GRIK3: variants seen among roughly 807,000 people sequenced by gnomAD.
GRIK3 encodes the protein glutamate ionotropic receptor kainate type subunit 3.
In GRIK3, 29 loss-of-function variants were observed where a neutral mutation model predicts 102.5. That is an observed-to-expected ratio of 0.28 (90% CI 0.21 to 0.39). The LOEUF (loss-of-function observed/expected upper bound fraction) is 0.39, where lower values mean the gene tolerates loss of function less well. Ranked by LOEUF, GRIK3 falls within the 10% of genes least tolerant of loss-of-function variation. GRIK3 has a pLI of 1.00. For missense variants in GRIK3, 908 were observed against 1,252.4 expected, an observed-to-expected ratio of 0.73 and a Z score of 4.15; for synonymous variants, 511 against 504.9, an observed-to-expected ratio of 1.01 and a Z score of -0.16.
chr1:36,962,605 G>T (rs1196772338), intron 1 of GRIK3, among the ~76,000 whole-genome samples: 1 of 150,730 alleles, frequency 6.6e-6, no homozygotes, highest in African/African-American at 2.5e-5. Flanking sequence ...GGCTGAAGTG[G>T]TTAGCGGTGG....
chr1:36,948,107 C>T, intron 1 of GRIK3, among the ~76,000 whole-genome samples: 1 of 152,164 alleles, frequency 6.6e-6, no homozygotes, highest in East Asian at 1.9e-4. Context: ...TTTGTGTCTC[C>T]CTTACTCTGC....
intron 1 of GRIK3, among the ~76,000 whole-genome samples, chr1:36,919,564 A>G (rs529613680): frequency 6.6e-6 from 1 of 152,164 alleles, no homozygotes; most frequent in East Asian, 1.9e-4. Context: ...AACAGGCAGG[A>G]GTCAGGCATG....
At chr1:37,029,351 G>T (rs1439610985) in intron 1 of GRIK3, among the ~76,000 whole-genome samples, 2 of 152,208 alleles carry the variant, frequency 1.3e-5, no homozygotes, top group African/African-American at 2.4e-5. Flanking sequence ...GCCAGGCGGG[G>T]TGTGCAAAGT....
intron 1 of GRIK3, among the ~76,000 whole-genome samples, chr1:36,957,414 G>GTGTGCTCCGTGAGTC (rs1641926021): frequency 9.5e-6 from 1 of 105,730 alleles, no homozygotes; most frequent in Non-Finnish European, 2.0e-5. Flanking sequence ...CCGTGAGCCT[G>GTGTGCTCCGTGAGTC]TGTGCCCCAT....
At chr1:36,907,816 G>T (rs1194412282) in intron 1 of GRIK3, among the ~76,000 whole-genome samples, 1 of 152,108 alleles carries the variant, frequency 6.6e-6, no homozygotes, top group Non-Finnish European at 1.5e-5. Context: ...CACCACAGAG[G>T]TTCAGAGAGT....
In GRIK3 at chr1:36,822,365, C is replaced by T. The variant is rs144157701; in HGVS notation, c.1755-2511G>A. Among the ~76,000 whole-genome samples the T allele has an allele frequency of 1.4e-3, 213 of 152,318 alleles. 1 individual carries two copies. Among genetic ancestry groups the T allele is most frequent in the African/African-American group, 4.9e-3 (204 of 41,562 alleles). On this transcript the variant is annotated intron_variant, in intron 11 of 15. Coordinates refer to ENST00000373091, the MANE Select transcript of GRIK3 (RefSeq NM_000831.4). ...ACAGGTTGGGGTCCTCATCGCCTCC[C>T]GAGAGGTGAAAGCATGCACGGTGCC...
intron 1 of GRIK3, among the ~76,000 whole-genome samples, chr1:36,961,847 G>A (rs1441650015): frequency 6.6e-6 from 1 of 152,224 alleles, no homozygotes; most frequent in Non-Finnish European, 1.5e-5. Context: ...ACTGTCCTAG[G>A]TGCGGGGGAC....
chr1:36,916,504 C>T (rs1641402227), intron 1 of GRIK3, among the ~76,000 whole-genome samples: 1 of 152,164 alleles, frequency 6.6e-6, no homozygotes, highest in Non-Finnish European at 1.5e-5. Context: ...ACATCACAGG[C>T]ATGGAGACCT....
At position 37,006,001 on chromosome 1, in the gene GRIK3, C is replaced by T. The variant is rs143988984; in HGVS notation, c.115+27993G>A. Among the ~76,000 whole-genome samples, 174 of 152,196 alleles carry T rather than the reference C, an allele frequency of 1.1e-3. 1 individual carries two copies. Among genetic ancestry groups the T allele is most frequent in the East Asian group, 6.4e-3 (33 of 5,166 alleles). On this transcript the variant is annotated intron_variant, in intron 1 of 15. Transcript: ENST00000373091. Reference sequence around the variant, plus strand: ...GAGACATACTGGAGACTGTCAGAATCGCTAGCCTGAAAGGGGATAAGGCCC... The same window carrying T: ...GAGACATACTGGAGACTGTCAGAATTGCTAGCCTGAAAGGGGATAAGGCCC...
intron 1 of GRIK3, among the ~76,000 whole-genome samples, chr1:36,931,827 A>G (rs1641594132): frequency 6.6e-6 from 1 of 152,132 alleles, no homozygotes; most frequent in Admixed American, 6.5e-5. Flanking sequence ...TCTGCTCCCC[A>G]GCTGCCTGGT....
rs1372802762 is a variant in GRIK3 at position 36,800,027 on chromosome 1, T to G, written c.*1824A>C. On this transcript the variant is annotated 3_prime_UTR_variant, in exon 16 of 16. Coordinates refer to ENST00000373091, the MANE Select transcript of GRIK3 (RefSeq NM_000831.4). ...TCCCTCGTCCAATGTACATAGCCAG[T>G]CAGAGCTGCTAGGATTCTGGGAACC... is the stretch of plus-strand genomic sequence containing the variant. 1 of 152,198 alleles carries G rather than the reference T, an allele frequency of 6.6e-6. No individual in the cohort carries two copies. Among genetic ancestry groups the G allele is most frequent in the African/African-American group, 2.4e-5 (1 of 41,454 alleles). The allele number at this position is 152,198 out of a possible 1,614,324, so 9.4% of individuals were successfully genotyped here.
At chr1:36,917,469 C>T (rs907930154) in intron 1 of GRIK3, among the ~76,000 whole-genome samples, 4 of 152,180 alleles carry the variant, frequency 2.6e-5, no homozygotes, top group African/African-American at 9.7e-5. Flanking sequence ...GCTGTGTCCC[C>T]ATCCAAATCT....
At chr1:36,927,477 C>T (rs1182947811) in intron 1 of GRIK3, among the ~76,000 whole-genome samples, 4 of 151,992 alleles carry the variant, frequency 2.6e-5, no homozygotes, top group Non-Finnish European at 4.4e-5. Context: ...TAACAGGCCC[C>T]GTGTCAAGGA....
intron 10 of GRIK3, among the ~76,000 whole-genome samples, chr1:36,829,580 T>C (rs60982117): frequency 0.018 from 2,686 of 152,222 alleles, 74 homozygotes; most frequent in African/African-American, 0.062. Context: ...AGGACCTTTC[T>C]GTACTATTTC....
intron 1 of GRIK3, among the ~76,000 whole-genome samples, chr1:36,988,100 G>A (rs901542267): frequency 6.6e-6 from 1 of 152,164 alleles, no homozygotes; most frequent in Admixed American, 6.5e-5. Context: ...AGACCAGCCT[G>A]GTCAACATAG....
At chr1:36,825,881 G>T in intron 10 of GRIK3, 55 bp from the exon 11 acceptor site, 1 of 1,284,888 alleles carries the variant, frequency 7.8e-7, no homozygotes, top group Non-Finnish European at 1.1e-6. Flanking sequence ...CAGAATAGCG[G>T]GAGACAGAAC....
intron 1 of GRIK3, among the ~76,000 whole-genome samples, chr1:36,894,905 C>A (rs2124276672): frequency 6.6e-6 from 1 of 152,082 alleles, no homozygotes; most frequent in East Asian, 1.9e-4. Context: ...CTGTTTTTAA[C>A]AAGGTTTGTC....
intron 1 of GRIK3, among the ~76,000 whole-genome samples, chr1:37,030,289 G>GTT (rs1255020823): frequency 6.6e-6 from 1 of 152,186 alleles, no homozygotes; most frequent in Non-Finnish European, 1.5e-5. Context: ...ATTTCTCATT[G>GTT]TTTTATACAC....
chr1:36,891,321 G>C (rs1027438599), intron 1 of GRIK3, among the ~76,000 whole-genome samples: 4 of 152,186 alleles, frequency 2.6e-5, no homozygotes, highest in African/African-American at 7.2e-5. Flanking sequence ...GAGCCCGACA[G>C]GGCCAAAATA....
Sources: gnomAD v4.1 joint callset for allele counts (sites outside exome capture counted in the v4.1 genomes callset) on GRCh38, gnomAD v4.1.1 for gene constraint, MANE v1.5 for transcripts, NCBI Gene and HGNC (gene_info 2026-07-23, HGNC 2026-07-21) for gene names.